PLCB2: variants seen among roughly 807,000 people sequenced by gnomAD.
The protein encoded by PLCB2 is phospholipase C beta 2, also known as 1-phosphatidylinositol 4,5-bisphosphate phosphodiesterase beta-2.
In PLCB2, 115 loss-of-function variants were observed where a neutral mutation model predicts 141.7. The ratio of observed to expected loss-of-function variants is 0.81; its 90% CI spans 0.70 to 0.95. The LOEUF is 0.95. Ranked by LOEUF, PLCB2 falls within the 40% of genes least tolerant of loss-of-function variation. The pLI is 0.00. For missense variants in PLCB2, 1,403 were observed against 1,541.1 expected (o/e 0.91, Z 1.50); for synonymous variants, 603 against 595.6 (o/e 1.01, Z -0.18).
chr15:40,285,797 C>T (rs71472428), downstream of PLCB2: 12,785 of 985,500 alleles, frequency 0.013, 107 homozygotes, highest in Non-Finnish European at 0.014. Flanking sequence ...CCATGACTCA[C>T]ACCCCCCCAG....
In PLCB2 at chr15:40,298,285, G is replaced by T; in HGVS notation, c.1093C>A (p.Pro365Thr). Residue 365 changes from proline (P) to threonine (T), a missense_variant, in exon 11 of 32, where the codon CCC becomes ACC. Coordinates refer to ENST00000260402, the MANE Select transcript of PLCB2 (RefSeq NM_004573.3). ...CVELDCWKGK[P>T]PDEEPIITHG... ...GTGATAATGGGCTCCTCGTCAGGGG[G>T]TTTCCCCTTCCAGCAGTCTAGCTCC... The T allele has an allele frequency of 3.1e-6, 5 of 1,603,980 alleles. No individual in the cohort carries two copies. The highest frequency in any genetic ancestry group is 4.3e-6 in the Non-Finnish European group (5 of 1,173,662).
chr15:40,300,009 C>G (rs2040427997), intron 7 of PLCB2, among the ~76,000 whole-genome samples: 1 of 152,130 alleles, frequency 6.6e-6, no homozygotes, highest in Non-Finnish European at 1.5e-5. Flanking sequence ...ATGGCTAAAA[C>G]AAAAAACAGA....
chr15:40,290,956 G>A lies in PLCB2; in HGVS notation c.3036+62C>T, dbSNP rs943312631. On this transcript the variant is annotated intron_variant, in intron 27 of 31. Transcript: ENST00000260402. ...GTTGGGTCGGTGAGAGGGGCGAATG[G>A]GGTCCATGGGGGGTGGGGTCGGTGG... The A allele has an allele frequency of 4.0e-6, 6 of 1,514,058 alleles. No individual in the cohort carries two copies. In the African/African-American group the frequency reaches 8.3e-5, roughly 21 times the overall value. 93.8% of individuals were successfully genotyped at this position (1,514,058 alleles called of 1,614,324 possible). A position where few individuals can be genotyped will look rare whatever the true frequency, so the allele number is the denominator to read the frequency against.
intron 7 of PLCB2, 72 bp from the exon 8 acceptor site, chr15:40,299,300 C>T (rs1170943074): frequency 9.6e-7 from 1 of 1,042,620 alleles, no homozygotes; most frequent in Non-Finnish European, 1.5e-6. Flanking sequence ...TCGGCCCAGC[C>T]CTGGTCAAGG....
intron 22 of PLCB2, 33 bp downstream of exon 22, chr15:40,292,306 C>T: frequency 1.3e-6 from 2 of 1,552,972 alleles, no homozygotes; most frequent in Non-Finnish European, 1.8e-6. Flanking sequence ...GGAACAGACA[C>T]CCCGAGGCTC....
rs1311140321 is a variant in PLCB2, at chr15:40,297,824, A to G, written c.1238+53T>C. ...GCAGTTGTGGGGAGGACAGTTGCAG[A>G]CAGGAGACTGGGGGCTGGGTGAGAA... On this transcript the variant is annotated intron_variant, in intron 12 of 31. Transcript: ENST00000260402. The surrounding 1 kb of genome is among the most constrained non-coding windows in gnomAD (Gnocchi z 4.2). 3 of 1,408,674 alleles carry G rather than the reference A, an allele frequency of 2.1e-6. No individual in the cohort carries two copies. Among genetic ancestry groups the G allele is most frequent in the Non-Finnish European group, 3.0e-6 (3 of 995,820 alleles). 87.3% of individuals were successfully genotyped at this position (1,408,674 alleles called of 1,614,324 possible).
chr15:40,305,890 G>A (rs1195260367), intron 1 of PLCB2, among the ~76,000 whole-genome samples: 1 of 152,178 alleles, frequency 6.6e-6, no homozygotes, highest in African/African-American at 2.4e-5. Flanking sequence ...CTTTCCAGGG[G>A]GCCTGCAGCC....
At chr15:40,287,613 C>T (rs1267797964), downstream of PLCB2, among the ~76,000 whole-genome samples, 1 of 152,180 alleles carries the variant, frequency 6.6e-6, no homozygotes, top group African/African-American at 2.4e-5. Flanking sequence ...CATCTTTGCA[C>T]TCAGCTCTTC....
intron 24 of PLCB2, 23 bp from the exon 25 acceptor site, chr15:40,291,673 T>G (rs556572880): frequency 6.8e-6 from 11 of 1,611,876 alleles, no homozygotes; most frequent in Admixed American, 6.7e-5. Context: ...CGGGCTGGGC[T>G]GTCAGGTGCT....
chr15:40,307,194 G>T (rs574041087), intron 1 of PLCB2, among the ~76,000 whole-genome samples: 1 of 152,172 alleles, frequency 6.6e-6, no homozygotes, highest in African/African-American at 2.4e-5. Flanking sequence ...GGGTCTGAGC[G>T]CCCTGCCGGA....
chr15:40,301,401 C>G, intron 7 of PLCB2: 1 of 607,114 alleles, frequency 1.6e-6, no homozygotes, highest in South Asian at 2.0e-5. Flanking sequence ...ACACAAGTTG[C>G]TTCATGGGGT....
In PLCB2 at chr15:40,304,095, C is replaced by T; in HGVS notation, c.85-17G>A. On this transcript the variant is annotated splice_polypyrimidine_tract_variant and intron_variant, in intron 1 of 31. Coordinates refer to ENST00000260402, the MANE Select transcript of PLCB2 (RefSeq NM_004573.3). ...TGTAGTTTCCTGCAGAGAGAAGGAG[C>T]CAGCACTCTGTTCCAAGACCTCAGG... is the stretch of plus-strand genomic sequence containing the variant. 2 of 1,568,762 alleles carry T rather than the reference C, an allele frequency of 1.3e-6. No individual in the cohort carries two copies. Among genetic ancestry groups the T allele is most frequent in the East Asian group, 2.3e-5 (1 of 43,844 alleles).
chr15:40,296,752 C>G lies in PLCB2; in HGVS notation c.1480G>C (p.Gly494Arg), dbSNP rs771570470. ...SSPPSAPAGE[G>R]TVWAGEEGTE... ...ATAGTCCTCCCCGACTCACCTGTGC[C>G]CTCACCTGCAGGGGCACTGGGTGGG... Residue 494 changes from glycine to arginine, a missense_variant, in exon 14 of 32, where the codon GGC becomes CGC. Around this residue, in one of 4 missense-constraint regions of PLCB2, gnomAD observed 975 missense variants for 1,141.1 expected, o/e 0.85. Transcript: ENST00000260402. The G allele has an allele frequency of 3.3e-5, 54 of 1,613,080 alleles. No homozygotes were observed. The highest frequency in any genetic ancestry group is 1.7e-4 in the Admixed American group (10 of 59,940).
chr15:40,284,264 T>C (rs1317365893), downstream of PLCB2: 1 of 337,452 alleles, frequency 3.0e-6, no homozygotes, highest in East Asian at 8.6e-5. Flanking sequence ...AGTTATCAGC[T>C]GCAGAATTTA....
intron 29 of PLCB2, 147 bp from the exon 30 acceptor site, chr15:40,290,229 G>T (rs561602203): frequency 4.5e-6 from 3 of 669,224 alleles, no homozygotes; most frequent in African/African-American, 3.5e-5. Context: ...CAAGGAGTAT[G>T]TAGGGGCCAC....
intron 19 of PLCB2, 102 bp downstream of exon 19, chr15:40,294,164 G>A (rs2040077759): frequency 4.2e-6 from 5 of 1,181,962 alleles, no homozygotes; most frequent in Admixed American, 3.7e-5. Context: ...AAGTTTCCAG[G>A]ATATCAGGGG....
intron 7 of PLCB2, 197 bp downstream of exon 7, chr15:40,301,760 A>G: frequency 1.4e-6 from 1 of 699,824 alleles, no homozygotes; most frequent in South Asian, 1.5e-5. Context: ...CTTGGAGCTC[A>G]GGGTCTCACT....
rs1006420029 is a variant in PLCB2, at chr15:40,296,568, G to T, written c.1553C>A (p.Ser518Ter). 6.2e-7 allele frequency: 1 copy of T among 1,613,380 alleles called. No individual in the cohort carries two copies. ...EEVEEEEEEE[S>*]GNLDEEEIKK... Reference sequence around the variant, plus strand: ...AATCTCTTCTTCATCCAGGTTTCCTGACTCCTCCTCCTCTTCCTCTTCCAC... The same window carrying T: ...AATCTCTTCTTCATCCAGGTTTCCTTACTCCTCCTCCTCTTCCTCTTCCAC... The change falls in exon 15 of 32, where the codon TCA (serine) becomes TAA (stop). Residue 518 changes from serine (S) to a stop codon, truncating the protein, a stop_gained. Transcript: ENST00000260402. LOFTEE classifies it high-confidence loss of function.
chr15:40,291,542 C>A, intron 25 of PLCB2, 55 bp from the exon 26 acceptor site: 1 of 1,608,078 alleles, frequency 6.2e-7, no homozygotes, highest in Non-Finnish European at 8.5e-7. Context: ...CCCGTCCAAC[C>A]CCCAAGGAGC....
Sources: allele counts gnomAD v4.1 joint callset (sites outside exome capture counted in the v4.1 genomes callset), GRCh38; gene constraint gnomAD v4.1.1; regional missense constraint gnomAD v4.1.1; non-coding constraint Gnocchi (gnomAD v3.1); transcripts MANE v1.5; gene names NCBI Gene and HGNC (gene_info 2026-07-23, HGNC 2026-07-21).